The following KCTD2 variants were observed in gnomAD, a reference collection of about 807,000 sequenced individuals.
The protein encoded by KCTD2 is potassium channel tetramerization domain containing 2, also known as BTB/POZ domain-containing protein KCTD2.
Under a neutral mutation model 27.9 loss-of-function variants are expected in KCTD2, and 18 were observed. The observed-to-expected ratio is 0.64, with a 90% CI of 0.45 to 0.96. The LOEUF (loss-of-function observed/expected upper bound fraction) is 0.96, where lower values mean the gene tolerates loss of function less well. Among genes scored for constraint, KCTD2 ranks in the 40% least tolerant of loss-of-function variants. The probability of loss-of-function intolerance (pLI) is 0.00; values close to 1 mark genes in which losing one functional copy is unlikely to be tolerated. For missense variants in KCTD2, 280 were observed against 348.0 expected, an observed-to-expected ratio of 0.80 and a Z score of 1.56; for synonymous variants, 175 against 148.4, an observed-to-expected ratio of 1.18 and a Z score of -1.30.
chr17:75,035,776 T>C (rs563616116), intron 3 of KCTD2, among the ~76,000 whole-genome samples: 2 of 152,086 alleles, frequency 1.3e-5, no homozygotes, highest in Admixed American at 6.5e-5. Context: ...GAGGTTGCAG[T>C]GAGCCGTGAT....
At chr17:75,034,309 G>T (rs1356738267) in intron 2 of KCTD2, among the ~76,000 whole-genome samples, 2 of 152,152 alleles carry the variant, frequency 1.3e-5, no homozygotes, top group African/African-American at 4.8e-5. Flanking sequence ...AGAGGGTCCT[G>T]CAAGAGAAGG....
At chr17:75,039,725 G>T in intron 3 of KCTD2, 1 of 269,536 alleles carries the variant, frequency 3.7e-6, no homozygotes, top group Non-Finnish European at 7.1e-6. Context: ...CTTTGTTGAG[G>T]TATATCTGAA....
intron 3 of KCTD2, among the ~76,000 whole-genome samples, chr17:75,037,846 G>A (rs1029688903): frequency 6.6e-6 from 1 of 151,966 alleles, no homozygotes; most frequent in Non-Finnish European, 1.5e-5. Context: ...TCAGGAGATC[G>A]AGACCATCCT....
chr17:75,060,633 G>A (rs575671413), intron 4 of KCTD2: 24 of 1,573,322 alleles, frequency 1.5e-5, no homozygotes, highest in Middle Eastern at 4.3e-4. Flanking sequence ...GGCTGGGCGC[G>A]TGGCGAGTGG....
intron 2 of KCTD2, among the ~76,000 whole-genome samples, chr17:75,050,793 T>C (rs548400976): frequency 9.2e-5 from 14 of 152,148 alleles, no homozygotes; most frequent in Non-Finnish European, 1.9e-4. Flanking sequence ...ATATCCCAGA[T>C]TAACCAATTT....
At chr17:75,048,440 G>C (rs978917975) in intron 1 of KCTD2, among the ~76,000 whole-genome samples, 8 of 152,112 alleles carry the variant, frequency 5.3e-5, no homozygotes, top group African/African-American at 1.9e-4. Flanking sequence ...AAACAGAGCT[G>C]GAGTTGCGTA....
chr17:75,042,494 G>C (rs373552679), upstream of KCTD2: 25 of 1,595,986 alleles, frequency 1.6e-5, no homozygotes, highest in Non-Finnish European at 2.0e-5. Flanking sequence ...AGATTCAGTG[G>C]CAAGTATGGG....
At chr17:75,037,865 T>C (rs555498324) in intron 3 of KCTD2, among the ~76,000 whole-genome samples, 57 of 151,888 alleles carry the variant, frequency 3.8e-4, no homozygotes, top group South Asian at 1.9e-3. Flanking sequence ...CTGGCTAACA[T>C]GGTGAAACCC....
intron 3 of KCTD2, among the ~76,000 whole-genome samples, chr17:75,054,649 CA>C (rs1209930061): frequency 6.6e-6 from 1 of 151,504 alleles, no homozygotes. Flanking sequence ...ACTAAAAATA[CA>C]AAAAAAATTA....
At chr17:75,034,493 G>A (rs1319030600) in intron 2 of KCTD2, among the ~76,000 whole-genome samples, 4 of 152,180 alleles carry the variant, frequency 2.6e-5, no homozygotes, top group African/African-American at 7.2e-5. Flanking sequence ...TATCCATTAG[G>A]CCACTGGGGC....
intron 2 of KCTD2, among the ~76,000 whole-genome samples, 198 bp from the exon 3 acceptor site, chr17:75,052,816 C>T (rs552483165): frequency 1.3e-5 from 2 of 152,324 alleles, no homozygotes; most frequent in Admixed American, 6.5e-5. Flanking sequence ...ATCATTTGAA[C>T]GCAGGAGGCG....
intron 3 of KCTD2, chr17:75,042,102 T>C: frequency 8.1e-7 from 1 of 1,239,466 alleles, no homozygotes; most frequent in Non-Finnish European, 1.2e-6. Context: ...TGTCATGCTG[T>C]GTATGTAATT....
chr17:75,040,281 C>A, intron 3 of KCTD2: 1 of 1,179,904 alleles, frequency 8.5e-7, no homozygotes, highest in Non-Finnish European at 1.3e-6. Context: ...CCTTAAAGGT[C>A]ATACTGAAAG....
rs570075297 is a variant in KCTD2 at position 75,062,980 on chromosome 17, T to G, written c.763-38T>G. 47 of 1,611,942 alleles carry G rather than the reference T, an allele frequency of 2.9e-5. No homozygotes were observed. In the South Asian group the frequency reaches 3.7e-4, roughly 13 times the overall value. ...ATCCCCCGACATCTCTGTCTTTCCC[T>G]CAGCAGCCTCAGCCTCTCCCCCATC... is the stretch of plus-strand genomic sequence containing the variant. On this transcript the variant is annotated intron_variant, in intron 5 of 5. Transcript: ENST00000322444.
At chr17:75,054,682 C>T (rs981748406) in intron 3 of KCTD2, among the ~76,000 whole-genome samples, 2 of 151,972 alleles carry the variant, frequency 1.3e-5, no homozygotes, top group Non-Finnish European at 2.9e-5. Flanking sequence ...TGATGGGTGC[C>T]TGTAGTCCCA....
At chr17:75,046,575 C>A (rs2073219947), upstream of KCTD2, among the ~76,000 whole-genome samples, 3 of 152,208 alleles carry the variant, frequency 2.0e-5, no homozygotes, top group South Asian at 6.2e-4. Context: ...GCCAGCTGAG[C>A]GTCCCTCGGC....
chr17:75,035,935 G>T (rs2040111035), intron 3 of KCTD2: 1 of 394,062 alleles, frequency 2.5e-6, no homozygotes, highest in African/African-American at 2.1e-5. Flanking sequence ...AGTGGGCTCT[G>T]TCCACACTCA....
Position 75,063,120 on chromosome 17 carries a change from C to G in KCTD2, c.*73C>G, listed in dbSNP as rs890530640. ...CCCCTCTGTGAAGTGAAACCTCACT[C>G]CTGTCCAGTGACCGAGCCACTGCAA... On this transcript the variant is annotated 3_prime_UTR_variant, in exon 6 of 6. Coordinates refer to ENST00000322444, the MANE Select transcript of KCTD2 (RefSeq NM_015353.3). 2 of 1,399,866 alleles carry G rather than the reference C, an allele frequency of 1.4e-6. No individual in the cohort carries two copies. Among genetic ancestry groups the G allele is most frequent in the East Asian group, 4.6e-5 (2 of 43,060 alleles). 86.7% of individuals were successfully genotyped at this position (1,399,866 alleles called of 1,614,324 possible). A position where few individuals can be genotyped will look rare whatever the true frequency, so the allele number is the denominator to read the frequency against.
chr17:75,051,267 C>T lies in KCTD2; in HGVS notation c.449-1747C>T, dbSNP rs181367509. 2.1e-3 allele frequency among the ~76,000 whole-genome samples: 305 copies of T among 148,326 alleles called. 1 individual carries two copies. The highest frequency in any genetic ancestry group is 7.4e-3 in the African/African-American group (295 of 40,114). ...TACTGGGATTACAGACATGAGCCAC[C>T]GCGCCCGACCTTTTTTTTTTTTTTT... On this transcript the variant is annotated intron_variant, in intron 2 of 5. Transcript: ENST00000322444.
Sources: allele counts gnomAD v4.1 joint callset (sites outside exome capture counted in the v4.1 genomes callset), GRCh38; gene constraint gnomAD v4.1.1; transcripts MANE v1.5; gene names NCBI Gene and HGNC (gene_info 2026-07-23, HGNC 2026-07-21).